The following NTF3 variants were observed in gnomAD, a reference collection of about 807,000 sequenced individuals.
NTF3 encodes the protein neurotrophin-3.
NTF3 carries 8 observed loss-of-function variants against 26.3 expected under a neutral mutation model. The observed-to-expected ratio is 0.30, with a 90% CI of 0.18 to 0.55. The LOEUF (loss-of-function observed/expected upper bound fraction) is 0.55. Among genes scored for constraint, NTF3 ranks in the 20% least tolerant of loss-of-function variants. The pLI, the probability that NTF3 is intolerant of heterozygous loss-of-function variation, is 0.93. For missense variants in NTF3, 276 were observed against 352.9 expected (o/e 0.78, Z 1.75); for synonymous variants, 154 against 145.5 (o/e 1.06, Z -0.42).
In NTF3 at chr12:5,495,055, G is replaced by T; in HGVS notation, c.*67G>T. ...TATGATATGCATGTAGCATATAAAT[G>T]TTTATATTGTTTTTATATATTATAA... On this transcript the variant is annotated 3_prime_UTR_variant, in exon 2 of 2. Transcript: ENST00000423158. The T allele has an allele frequency of 7.1e-7, 1 of 1,413,138 alleles. No individual in the cohort carries two copies. Among genetic ancestry groups the T allele is most frequent in the Non-Finnish European group, 9.7e-7 (1 of 1,029,742 alleles). The allele number at this position is 1,413,138 out of a possible 1,614,324, so 87.5% of individuals were successfully genotyped here.
intron 1 of NTF3, among the ~76,000 whole-genome samples, chr12:5,448,303 T>C (rs1940331557): frequency 3.3e-5 from 5 of 152,252 alleles, no homozygotes. Flanking sequence ...ATTGCTGTTT[T>C]CACCTCTTCT....
At chr12:5,480,027 A>G (rs1467396178) in intron 1 of NTF3, among the ~76,000 whole-genome samples, 4 of 152,174 alleles carry the variant, frequency 2.6e-5, no homozygotes, top group African/African-American at 4.8e-5. Flanking sequence ...AAAAAGAACT[A>G]TAAGTAGTTC....
At chr12:5,455,788 G>A (rs1038053976) in intron 1 of NTF3, among the ~76,000 whole-genome samples, 2 of 152,196 alleles carry the variant, frequency 1.3e-5, no homozygotes. Context: ...ACTCCAAGAT[G>A]CTGCCTTGCA....
At chr12:5,477,257 A>G (rs1403005803) in intron 1 of NTF3, among the ~76,000 whole-genome samples, 4 of 152,132 alleles carry the variant, frequency 2.6e-5, no homozygotes, top group Admixed American at 2.0e-4. Flanking sequence ...GAGCTATAGT[A>G]TTGCCATGGT....
intron 1 of NTF3, among the ~76,000 whole-genome samples, chr12:5,437,798 G>A (rs187306067): frequency 1.2e-3 from 182 of 152,340 alleles, no homozygotes; most frequent in Middle Eastern, 3.4e-3. Context: ...CCTAAGCCCC[G>A]TGTGGTGCTG....
chr12:5,459,678 A>G (rs1275805954), intron 1 of NTF3, among the ~76,000 whole-genome samples: 1 of 152,224 alleles, frequency 6.6e-6, no homozygotes, highest in Non-Finnish European at 1.5e-5. Flanking sequence ...GACGCAGGTT[A>G]TCAAGGTGCT....
intron 1 of NTF3, among the ~76,000 whole-genome samples, chr12:5,486,450 T>C (rs533151746): frequency 6.6e-6 from 1 of 152,334 alleles, no homozygotes; most frequent in Non-Finnish European, 1.5e-5. Context: ...ATAAATACTT[T>C]CATCATTATC....
At chr12:5,487,060 C>T (rs1940875512) in intron 1 of NTF3, among the ~76,000 whole-genome samples, 1 of 152,196 alleles carries the variant, frequency 6.6e-6, no homozygotes, top group Non-Finnish European at 1.5e-5. Context: ...GCAGATCCTT[C>T]CTAGTCCACC....
intron 1 of NTF3, 200 bp downstream of exon 1, chr12:5,432,542 C>A (rs1940106178): frequency 6.7e-6 from 1 of 148,968 alleles, no homozygotes; most frequent in Non-Finnish European, 1.4e-5. Flanking sequence ...GAAGCGCAAC[C>A]GCAGCCACCC....
intron 1 of NTF3, among the ~76,000 whole-genome samples, chr12:5,484,880 C>T (rs1411259239): frequency 2.0e-5 from 3 of 152,186 alleles, no homozygotes; most frequent in African/African-American, 7.2e-5. Context: ...GGCCACAAAG[C>T]TCATTAGTGG....
In NTF3 at chr12:5,438,705, G is replaced by A. The variant is rs183553490; in HGVS notation, c.18+6363G>A. Among the ~76,000 whole-genome samples, 460 of 152,344 alleles carry A rather than the reference G, an allele frequency of 3.0e-3. 1 individual carries two copies. Among genetic ancestry groups the A allele is most frequent in the Non-Finnish European group, 5.3e-3 (358 of 68,032 alleles). On this transcript the variant is annotated intron_variant, in intron 1 of 1. Coordinates refer to ENST00000423158, the MANE Select transcript of NTF3 (RefSeq NM_001102654.2). ...CAGTAGCCTGAGGCAGCAGGTAGCT[G>A]CCTGACTTAGAAGTGAAGGACCAGG... is the stretch of plus-strand genomic sequence containing the variant.
chr12:5,477,884 C>T (rs530219730), intron 1 of NTF3, among the ~76,000 whole-genome samples: 1 of 152,290 alleles, frequency 6.6e-6, no homozygotes, highest in East Asian at 1.9e-4. Flanking sequence ...CCAGATTTCT[C>T]ACTTTCTGGG....
At chr12:5,444,330 G>A (rs1485472643) in intron 1 of NTF3, among the ~76,000 whole-genome samples, 2 of 152,138 alleles carry the variant, frequency 1.3e-5, no homozygotes, top group African/African-American at 2.4e-5. Context: ...CGTGAGCAGG[G>A]GCTGGGGCAG....
chr12:5,461,234 C>T (rs1940520866), intron 1 of NTF3, among the ~76,000 whole-genome samples: 2 of 152,174 alleles, frequency 1.3e-5, no homozygotes, highest in South Asian at 4.1e-4. Flanking sequence ...GACGTCTGTG[C>T]TGTCAGGAGG....
At chr12:5,471,068 C>A (rs1940660254) in intron 1 of NTF3, among the ~76,000 whole-genome samples, 1 of 152,078 alleles carries the variant, frequency 6.6e-6, no homozygotes, top group African/African-American at 2.4e-5. Flanking sequence ...CTAGATCTTA[C>A]AATAAACATT....
intron 1 of NTF3, among the ~76,000 whole-genome samples, chr12:5,463,673 G>A (rs1940551456): frequency 6.6e-6 from 1 of 152,180 alleles, no homozygotes; most frequent in Admixed American, 6.5e-5. Context: ...TCTTCTTTAT[G>A]ATGAAATTAG....
chr12:5,436,313 G>A (rs1010791585), intron 1 of NTF3, among the ~76,000 whole-genome samples: 1 of 152,028 alleles, frequency 6.6e-6, no homozygotes, highest in African/African-American at 2.4e-5. Context: ...TTTTTGAGAG[G>A]GAAACTCATC....
At chr12:5,471,370 C>T (rs941637637) in intron 1 of NTF3, among the ~76,000 whole-genome samples, 12 of 152,152 alleles carry the variant, frequency 7.9e-5, no homozygotes, top group Non-Finnish European at 1.8e-4. Context: ...GAAACCAATA[C>T]TATGTTGAAA....
chr12:5,449,957 T>G (rs1940353012), intron 1 of NTF3, among the ~76,000 whole-genome samples: 1 of 152,216 alleles, frequency 6.6e-6, no homozygotes, highest in Non-Finnish European at 1.5e-5. Flanking sequence ...TTTTTTCTTC[T>G]GCTTAACCAG....
Sources: gnomAD v4.1 joint callset for allele counts (sites outside exome capture counted in the v4.1 genomes callset) on GRCh38, gnomAD v4.1.1 for gene constraint, MANE v1.5 for transcripts, NCBI Gene and HGNC (gene_info 2026-07-23, HGNC 2026-07-21) for gene names.